Variants in PHKB observed in about 807,000 individuals in gnomAD.
The protein encoded by PHKB is phosphorylase b kinase regulatory subunit beta.
Under a neutral mutation model 152.1 loss-of-function variants are expected in PHKB, and 122 were observed. The observed-to-expected ratio is 0.80, with a 90% CI of 0.69 to 0.93. PHKB has a LOEUF of 0.93. Among genes scored for constraint, PHKB ranks in the 40% least tolerant of loss-of-function variants. PHKB has a pLI of 0.00. For synonymous variants in PHKB, 436 were observed against 464.9 expected (o/e 0.94, Z 0.80); for missense variants, 1,304 against 1,328.4 (o/e 0.98, Z 0.29).
chr16:47,554,333 A>G (rs532227881), intron 7 of PHKB, among the ~76,000 whole-genome samples: 92 of 152,102 alleles, frequency 6.0e-4, no homozygotes, highest in Non-Finnish European at 1.1e-3. Flanking sequence ...AAAACTACCT[A>G]CTCAAGCCTC....
At chr16:47,516,586 G>C (rs1360328582) in intron 6 of PHKB, among the ~76,000 whole-genome samples, 1 of 152,120 alleles carries the variant, frequency 6.6e-6, no homozygotes, top group Admixed American at 6.5e-5. Context: ...CCTCTCCTGT[G>C]ATCCATGCAA....
chr16:47,693,416 A>G lies in PHKB; in HGVS notation c.2804A>G (p.Asn935Ser). The G allele has an allele frequency of 6.2e-7, 1 of 1,614,050 alleles. No homozygotes were observed. Among genetic ancestry groups the G allele is most frequent in the Non-Finnish European group, 8.5e-7 (1 of 1,179,952 alleles). The change falls in exon 28 of 31, where the codon AAT (asparagine) becomes AGT (serine). Residue 935 changes from asparagine to serine, a missense_variant. Coordinates refer to ENST00000323584, the MANE Select transcript of PHKB (RefSeq NM_000293.3). ...LNRRQIDGSL[N>S]RTPTGFYDRV... The stretch of plus-strand genomic sequence containing the variant: ...AGGCGTCAGATCGATGGGTCTTTGA[A>G]TAGAACTCCCACCGGGTTCTATGAC...
chr16:47,617,243 T>C (rs1489656192), intron 14 of PHKB, among the ~76,000 whole-genome samples: 2 of 147,910 alleles, frequency 1.4e-5, no homozygotes, highest in African/African-American at 4.9e-5. Flanking sequence ...ATATAAAATA[T>C]ATAATATTTA....
At chr16:47,572,408 C>T (rs1180694802) in intron 7 of PHKB, among the ~76,000 whole-genome samples, 4 of 152,210 alleles carry the variant, frequency 2.6e-5, no homozygotes, top group Non-Finnish European at 5.9e-5. Flanking sequence ...CCCTGTAACA[C>T]TCTATTTGGG....
intron 1 of PHKB, among the ~76,000 whole-genome samples, chr16:47,471,487 C>T (rs747039738): frequency 3.3e-5 from 5 of 152,106 alleles, no homozygotes; most frequent in Admixed American, 1.3e-4. Flanking sequence ...ACCTCATGGC[C>T]GAAGCTGTGT....
At chr16:47,545,988 C>T (rs1309540746) in intron 6 of PHKB, among the ~76,000 whole-genome samples, 1 of 152,190 alleles carries the variant, frequency 6.6e-6, no homozygotes, top group Non-Finnish European at 1.5e-5. Context: ...GTTAGCCATT[C>T]ATATAATCTT....
intron 10 of PHKB, among the ~76,000 whole-genome samples, chr16:47,591,546 T>C (rs1972029137): frequency 6.6e-6 from 1 of 152,180 alleles, no homozygotes; most frequent in Non-Finnish European, 1.5e-5. Flanking sequence ...ACTTACTTCT[T>C]AGTCTCCTTT....
chr16:47,641,856 G>A (rs981646620), intron 16 of PHKB, among the ~76,000 whole-genome samples, 164 bp downstream of exon 16: 1 of 151,756 alleles, frequency 6.6e-6, no homozygotes, highest in African/African-American at 2.4e-5. Context: ...AATGGACATT[G>A]TTACTAAAAA....
chr16:47,694,181 T>A (rs1271302148), intron 28 of PHKB, among the ~76,000 whole-genome samples: 1 of 152,236 alleles, frequency 6.6e-6, no homozygotes, highest in Non-Finnish European at 1.5e-5. Context: ...AGTGAGTTAG[T>A]GCCCTCTCCT....
chr16:47,600,223 T>C (rs1248902003), intron 13 of PHKB, among the ~76,000 whole-genome samples: 1 of 152,158 alleles, frequency 6.6e-6, no homozygotes, highest in Non-Finnish European at 1.5e-5. Context: ...CAGTATGCTA[T>C]TTCCTGAACC....
chr16:47,566,479 CA>C, intron 7 of PHKB: 1 of 1,608,164 alleles, frequency 6.2e-7, no homozygotes, highest in Non-Finnish European at 8.5e-7. Flanking sequence ...TCAGCATAAC[CA>C]AAACCTTTCA....
rs115160611 is a variant in PHKB, at chr16:47,594,504, A to C, written c.1204+290A>C. On this transcript the variant is annotated intron_variant, in intron 12 of 30. Transcript: ENST00000323584. ...TATAGAAAGTGACTAGTTTTTATAC[A>C]GGTCACCAAAAATGCTATAGTCAGG... is the stretch of plus-strand genomic sequence containing the variant. Among the ~76,000 whole-genome samples the C allele has an allele frequency of 3.0e-3, 464 of 152,342 alleles. 2 individuals are homozygous for C. The highest frequency in any genetic ancestry group is 0.011 in the African/African-American group (442 of 41,582).
chr16:47,484,877 AT>A (rs1388240507), intron 1 of PHKB, among the ~76,000 whole-genome samples: 2 of 152,210 alleles, frequency 1.3e-5, no homozygotes, highest in Non-Finnish European at 2.9e-5. Flanking sequence ...TTCATATAGC[AT>A]TTTTACAATC....
intron 25 of PHKB, among the ~76,000 whole-genome samples, chr16:47,666,526 C>CTT: frequency 6.6e-6 from 1 of 152,364 alleles, no homozygotes; most frequent in East Asian, 1.9e-4. Flanking sequence ...AGGGCCAACT[C>CTT]TGTCACCTCC....
intron 8 of PHKB, among the ~76,000 whole-genome samples, chr16:47,585,227 A>G (rs1369000590): frequency 1.3e-5 from 2 of 152,266 alleles, no homozygotes; most frequent in African/African-American, 2.4e-5. Flanking sequence ...GAAATGGAAG[A>G]TGAAAATAAA....
intron 4 of PHKB, among the ~76,000 whole-genome samples, chr16:47,507,559 T>TG (rs1331205283): frequency 1.4e-5 from 2 of 145,480 alleles, no homozygotes; most frequent in East Asian, 2.1e-4. Context: ...GGTCTCACTA[T>TG]ATTGCCCAAG....
chr16:47,485,971 A>G (rs1970043054), intron 1 of PHKB, among the ~76,000 whole-genome samples: 1 of 152,070 alleles, frequency 6.6e-6, no homozygotes. Flanking sequence ...TTAAAAAAAA[A>G]AAAGTAGTAA....
rs372420469 is a variant in PHKB, at chr16:47,478,169, A to G, written c.76+16743A>G. 4.1e-4 allele frequency among the ~76,000 whole-genome samples: 63 copies of G among 152,296 alleles called. No individual in the cohort carries two copies. In the East Asian group the frequency reaches 9.3e-3, roughly 22 times the overall value. On this transcript the variant is annotated intron_variant, in intron 1 of 30. Transcript: ENST00000323584. The stretch of plus-strand genomic sequence containing the variant: ...AGACCTCTTTAAAGCAGAGTCTAGC[A>G]ATTATCATGTATTTAATTTACAAGA...
At chr16:47,638,286 T>C (rs1188119045) in intron 14 of PHKB, among the ~76,000 whole-genome samples, 4 of 152,140 alleles carry the variant, frequency 2.6e-5, no homozygotes, top group African/African-American at 4.8e-5. Flanking sequence ...TAGGGCAACA[T>C]AGGCATTATA....
Sources: gnomAD v4.1 joint callset for allele counts (sites outside exome capture counted in the v4.1 genomes callset) on GRCh38, gnomAD v4.1.1 for gene constraint, MANE v1.5 for transcripts, NCBI Gene and HGNC (gene_info 2026-07-23, HGNC 2026-07-21) for gene names.